CYP4V2: variants seen among roughly 807,000 people sequenced by gnomAD.
The protein encoded by CYP4V2 is cytochrome P450 4V2.
CYP4V2 carries 55 observed loss-of-function variants against 60.8 expected under a neutral mutation model. The observed-to-expected ratio is 0.90, with a 90% CI of 0.73 to 1.13. The LOEUF (loss-of-function observed/expected upper bound fraction) is 1.13. CYP4V2 is among the 50% of genes most tolerant of loss of function. The probability of loss-of-function intolerance (pLI) is 0.00; values close to 1 mark genes in which losing one functional copy is unlikely to be tolerated. For missense variants in CYP4V2, 675 were observed against 662.9 expected (o/e 1.02, Z -0.20); for synonymous variants, 239 against 236.8 (o/e 1.01, Z -0.08).
In CYP4V2 at chr4:186,191,851, T is replaced by C; in HGVS notation, c.28T>C (p.Trp10Arg). 1 of 1,578,238 alleles carries C rather than the reference T, an allele frequency of 6.3e-7. No individual in the cohort carries two copies. Among genetic ancestry groups the C allele is most frequent in the African/African-American group, 1.4e-5 (1 of 74,064 alleles). ...GGCGGGGCTCTGGCTGGGGCTCGTG[T>C]GGCAGAAGCTGCTGCTGTGGGGCGC... MAGLWLGLV[W>R]QKLLLWGAAS... Residue 10 changes from tryptophan to arginine, a missense_variant, in exon 1 of 11, where the codon TGG (tryptophan) becomes CGG (arginine). Trp to Arg is a moderately radical substitution (Grantham distance 101). Transcript: ENST00000378802.
chr4:186,209,024 A>G (rs1736622558), intron 9 of CYP4V2, 25 bp downstream of exon 9: 7 of 1,614,002 alleles, frequency 4.3e-6, no homozygotes, highest in Non-Finnish European at 5.9e-6. Context: ...CCTAAAGTAG[A>G]AGGGAGAGGG....
In CYP4V2 at chr4:186,196,055, T is replaced by A. The variant is rs1228072399; in HGVS notation, c.380T>A (p.Leu127Ter). Residue 127 changes from leucine (L) to a stop codon, truncating the protein, a stop_gained, in exon 3 of 11, where the codon TTA becomes TAA. Transcript: ENST00000378802. LOFTEE classifies it high-confidence loss of function. Reference sequence around the variant, plus strand: ...GACAAATCCTCTATGTACAAGTTTTTAGAACCATGGCTTGGCCTAGGACTT... The same window carrying A: ...GACAAATCCTCTATGTACAAGTTTTAAGAACCATGGCTTGGCCTAGGACTT... ...QIDKSSMYKF[L>*]EPWLGLGLLT... 1.9e-6 allele frequency: 3 copies of A among 1,614,064 alleles called. No homozygotes were observed. Among genetic ancestry groups the A allele is most frequent in the Non-Finnish European group, 2.5e-6 (3 of 1,179,996 alleles).
At position 186,208,207 on chromosome 4, in the gene CYP4V2, C is replaced by T. The variant is rs924711377; in HGVS notation, c.1091-658C>T. ...GGGTATTTGATGGGTATTTAGCATC[C>T]CCTGCCTTGATCCACATGTTCTTCT... On this transcript the variant is annotated intron_variant, in intron 8 of 10. Coordinates refer to ENST00000378802, the MANE Select transcript of CYP4V2 (RefSeq NM_207352.4). Among the ~76,000 whole-genome samples the T allele has an allele frequency of 1.4e-5, 2 of 140,308 alleles. 1 individual carries two copies. Among genetic ancestry groups the T allele is most frequent in the East Asian group, 4.2e-4 (2 of 4,790 alleles). The allele number at this position is 140,308 out of a possible 152,430, so 92.0% of individuals were successfully genotyped here.
chr4:186,194,626 A>G lies in CYP4V2; in HGVS notation c.327+14A>G, dbSNP rs1736092914. On this transcript the variant is annotated intron_variant, in intron 2 of 10. Transcript: ENST00000378802. ...GAAAATGTGGAGGTGGGTACATGTG[A>G]ATATGATCAGTATTGTACTGTGTAT... The G allele has an allele frequency of 6.3e-7, 1 of 1,589,636 alleles. No individual in the cohort carries two copies. Among genetic ancestry groups the G allele is most frequent in the African/African-American group, 1.3e-5 (1 of 74,362 alleles).
chr4:186,205,169 CT>C, intron 7 of CYP4V2, 30 bp from the exon 8 acceptor site: 1 of 1,603,756 alleles, frequency 6.2e-7, no homozygotes, highest in Non-Finnish European at 8.5e-7. Flanking sequence ...CATAACTCTG[CT>C]TTTTAAGCTA....
chr4:186,197,742 ATG>A, intron 5 of CYP4V2, 140 bp downstream of exon 5: 5 of 856,276 alleles, frequency 5.8e-6, no homozygotes, highest in Non-Finnish European at 9.4e-6. Context: ...TCATGTAAGC[ATG>A]TGTTTAAGCA....
At chr4:186,196,156 A>T in intron 3 of CYP4V2, 68 bp downstream of exon 3, 2 of 1,320,262 alleles carry the variant, frequency 1.5e-6, no homozygotes, top group Non-Finnish European at 2.2e-6. Context: ...TTGTTATTTC[A>T]AGAATTAACA....
rs1735988777 is a variant in CYP4V2, at chr4:186,191,788, T to C, written c.-36T>C. The C allele has an allele frequency of 1.3e-6, 2 of 1,494,586 alleles. No homozygotes were observed. Among genetic ancestry groups the C allele is most frequent in the Non-Finnish European group, 1.8e-6 (2 of 1,128,050 alleles). The allele number at this position is 1,494,586 out of a possible 1,614,324, so 92.6% of individuals were successfully genotyped here. On this transcript the variant is annotated 5_prime_UTR_variant, in exon 1 of 11. Transcript: ENST00000378802. Reference sequence around the variant, plus strand: ...CACCACGCCCCCGCGGGCCCGCACTTTCCCGGAGTGCACCCCGCGGCCGCC... The same window carrying C: ...CACCACGCCCCCGCGGGCCCGCACTCTCCCGGAGTGCACCCCGCGGCCGCC...
intron 10 of CYP4V2, among the ~76,000 whole-genome samples, chr4:186,210,109 G>A (rs1736658686): frequency 6.6e-6 from 1 of 152,166 alleles, no homozygotes; most frequent in Non-Finnish European, 1.5e-5. Context: ...GCAGACATCG[G>A]TAAAATGAGG....
At chr4:186,201,104 A>G (rs1266933291) in intron 6 of CYP4V2, 53 bp from the exon 7 acceptor site, 1 of 1,549,890 alleles carries the variant, frequency 6.5e-7, no homozygotes, top group Non-Finnish European at 8.9e-7. Context: ...TGTGTTAACT[A>G]GGGTGCATCC....
intron 1 of CYP4V2, 28 bp downstream of exon 1, chr4:186,192,065 C>T: frequency 6.5e-7 from 1 of 1,547,990 alleles, no homozygotes; most frequent in Non-Finnish European, 8.7e-7. Flanking sequence ...TCCTGGAGCG[C>T]AACGGGGTCC....
At chr4:186,200,681 AG>A (rs1189100185) in intron 6 of CYP4V2, among the ~76,000 whole-genome samples, 1 of 152,188 alleles carries the variant, frequency 6.6e-6, no homozygotes, top group Middle Eastern at 3.2e-3. Flanking sequence ...GCAGCCGTGC[AG>A]GCCTCTGAGG....
Position 186,201,345 on chromosome 4 carries a change from A to G in CYP4V2, c.987+3A>G, listed in dbSNP as rs149818768. ...AAGTTGACACCTTCATGTTTGAGGT[A>G]TTGTATATTGTTAGGTTCAGATATC... is the stretch of plus-strand genomic sequence containing the variant. On this transcript the variant is annotated splice_donor_region_variant and intron_variant, in intron 7 of 10. Coordinates refer to ENST00000378802, the MANE Select transcript of CYP4V2 (RefSeq NM_207352.4). 4.3e-5 allele frequency: 70 copies of G among 1,613,874 alleles called. No individual in the cohort carries two copies. In the African/African-American group the frequency reaches 8.5e-4, roughly 20 times the overall value.
chr4:186,197,017 A>G lies in CYP4V2; in HGVS notation c.491A>G (p.Asp164Gly), dbSNP rs965425263. 1 of 1,613,918 alleles carries G rather than the reference A, an allele frequency of 6.2e-7. No homozygotes were observed. Among genetic ancestry groups the G allele is most frequent in the Non-Finnish European group, 8.5e-7 (1 of 1,180,036 alleles). Residue 164 changes from aspartate to glycine, a missense_variant, in exon 4 of 11, where the codon GAT (aspartate) becomes GGT (glycine). By Grantham distance (94) the Asp-to-Gly change is moderately conservative. Coordinates refer to ENST00000378802, the MANE Select transcript of CYP4V2 (RefSeq NM_207352.4). ...FHFTILEDFLDIMNEQANILV... is the reference protein window; with the variant it reads ...FHFTILEDFLGIMNEQANILV... ...TTTACCATTCTGGAAGATTTCTTAG[A>G]TATCATGAATGAACAAGCAAATATA...
chr4:186,204,684 A>G (rs1243805056), intron 7 of CYP4V2: 1 of 217,572 alleles, frequency 4.6e-6, no homozygotes, highest in Non-Finnish European at 9.4e-6. Flanking sequence ...GTGCAGATTA[A>G]TTCAGTTTCT....
chr4:186,192,697 A>G (rs1348975657), intron 1 of CYP4V2, among the ~76,000 whole-genome samples: 1 of 152,220 alleles, frequency 6.6e-6, no homozygotes. Context: ...ATGGAAAAAA[A>G]TCACGTTAAG....
chr4:186,213,295 C>T lies in CYP4V2; in HGVS notation c.*2654C>T, dbSNP rs947848102. ...CAAGGTTTGTGTGCCCATTACCTTTCCTCTGCCTGAAAGACGTGTCTCAAG... is the reference window on the plus strand; with the variant it reads ...CAAGGTTTGTGTGCCCATTACCTTTTCTCTGCCTGAAAGACGTGTCTCAAG... On this transcript the variant is annotated 3_prime_UTR_variant, in exon 11 of 11. Coordinates refer to ENST00000378802, the MANE Select transcript of CYP4V2 (RefSeq NM_207352.4). The T allele has an allele frequency of 6.6e-6, 1 of 152,174 alleles. No homozygotes were observed. The highest frequency in any genetic ancestry group is 2.4e-5 in the African/African-American group (1 of 41,452). 9.4% of individuals were successfully genotyped at this position (152,174 alleles called of 1,614,324 possible).
chr4:186,204,786 C>T (rs1052446831), intron 7 of CYP4V2: 10 of 317,496 alleles, frequency 3.1e-5, no homozygotes, highest in Non-Finnish European at 4.9e-5. Context: ...TAGAACCACA[C>T]CTCTACCCCC....
rs538134689 is a variant in CYP4V2 at position 186,198,173 on chromosome 4, G to A, written c.674+571G>A. Among the ~76,000 whole-genome samples the A allele has an allele frequency of 2.6e-5, 4 of 152,332 alleles. No homozygotes were observed. The South Asian group carries it at 8.3e-4, about 32-fold the overall frequency. Reference sequence around the variant, plus strand: ...AGTACAGAGAAGTGCATTGAGCTGAGTATATTTAAGTCTCCTGCTCATTTC... The same window carrying A: ...AGTACAGAGAAGTGCATTGAGCTGAATATATTTAAGTCTCCTGCTCATTTC... On this transcript the variant is annotated intron_variant, in intron 5 of 10. Transcript: ENST00000378802.
Sources: gnomAD v4.1 joint callset for allele counts (sites outside exome capture counted in the v4.1 genomes callset) on GRCh38, gnomAD v4.1.1 for gene constraint, MANE v1.5 for transcripts, NCBI Gene and HGNC (gene_info 2026-07-23, HGNC 2026-07-21) for gene names.